POC1B: variants seen among roughly 807,000 people sequenced by gnomAD.
POC1B encodes POC1 centriolar protein homolog B.
Under a neutral mutation model 60.6 loss-of-function variants are expected in POC1B, and 44 were observed. The observed-to-expected ratio is 0.73, with a 90% CI of 0.57 to 0.93. The LOEUF (loss-of-function observed/expected upper bound fraction) is 0.93. Among genes scored for constraint, POC1B ranks in the 40% least tolerant of loss-of-function variants. The pLI is 0.00. For missense variants in POC1B, 555 were observed against 572.3 expected (o/e 0.97, Z 0.31); for synonymous variants, 180 against 198.9 (o/e 0.90, Z 0.80).
chr12:89,502,253 G>T, intron 2 of POC1B: 1 of 1,448,282 alleles, frequency 6.9e-7, no homozygotes, highest in Non-Finnish European at 9.6e-7. Context: ...GACTCAAAAC[G>T]AACTAAAGTG....
At chr12:89,421,390 A>G in intron 11 of POC1B, 133 bp from the exon 12 acceptor site, 1 of 669,924 alleles carries the variant, frequency 1.5e-6, no homozygotes. Context: ...CTCAAAAATG[A>G]GCCCCAGAAC....
chr12:89,490,943 A>G (rs971239250), intron 4 of POC1B, among the ~76,000 whole-genome samples: 4 of 151,714 alleles, frequency 2.6e-5, no homozygotes, highest in African/African-American at 7.3e-5. Flanking sequence ...TCAGCCTCCT[A>G]ACAAGGTCTC....
intron 10 of POC1B, among the ~76,000 whole-genome samples, chr12:89,432,108 G>A (rs1881055985): frequency 6.6e-6 from 1 of 152,124 alleles, no homozygotes; most frequent in South Asian, 2.1e-4. Context: ...ACTTGGCCGG[G>A]CATGGTGGCT....
At chr12:89,440,914 C>A (rs546489369) in intron 10 of POC1B, among the ~76,000 whole-genome samples, 1 of 152,218 alleles carries the variant, frequency 6.6e-6, no homozygotes, top group Admixed American at 6.5e-5. Context: ...ACACTCCCAC[C>A]CTAATACTGC....
chr12:89,402,963 G>A, the POC1B span, among the ~76,000 whole-genome samples: 2 of 150,832 alleles, frequency 1.3e-5, no homozygotes, highest in Non-Finnish European at 2.9e-5. Flanking sequence ...GCCTCGCACA[G>A]TGCTGGGATT....
At chr12:89,490,718 C>T (rs922371809) in intron 4 of POC1B, among the ~76,000 whole-genome samples, 1 of 152,154 alleles carries the variant, frequency 6.6e-6, no homozygotes, top group East Asian at 1.9e-4. Context: ...AATAGGAAGA[C>T]TCCACAGCTG....
rs893831806 is a variant in POC1B at position 89,497,343 on chromosome 12, C to T, written c.101-1G>A. 3 of 1,609,750 alleles carry T rather than the reference C, an allele frequency of 1.9e-6. No individual in the cohort carries two copies. In the African/African-American group the frequency reaches 4.0e-5, roughly 22 times the overall value. On this transcript the variant is annotated splice_acceptor_variant, in intron 2 of 11. Transcript: ENST00000313546. LOFTEE classifies it high-confidence loss of function. ...AGAAAGGTATCCCAAGAAGCAGTAG[C>T]TATCAAGAAATAGAAGAACAAAACC...
At position 89,500,775 on chromosome 12, in the gene POC1B, T is replaced by A. The variant is rs987589519; in HGVS notation, c.101-3433A>T. The A allele has an allele frequency of 4.8e-6, 5 of 1,033,962 alleles. No homozygotes were observed. In the Admixed American group the frequency reaches 9.1e-5, roughly 19 times the overall value. 64.0% of individuals were successfully genotyped at this position (1,033,962 alleles called of 1,614,324 possible). A position where few individuals can be genotyped will look rare whatever the true frequency, so the allele number is the denominator to read the frequency against. On this transcript the variant is annotated intron_variant, in intron 2 of 11. Transcript: ENST00000313546. ...ATAGATAGAAATAGATAATAAAGTA[T>A]CAGATAAAGAGGATAAAACATCAGA...
At chr12:89,457,231 T>C (rs1002077372) in intron 10 of POC1B, among the ~76,000 whole-genome samples, 5 of 152,208 alleles carry the variant, frequency 3.3e-5, no homozygotes, top group African/African-American at 4.8e-5. Context: ...TATGTCTGAT[T>C]TGTTGTGCAG....
At chr12:89,441,945 C>A (rs1052561402) in intron 10 of POC1B, among the ~76,000 whole-genome samples, 6 of 152,110 alleles carry the variant, frequency 3.9e-5, no homozygotes, top group African/African-American at 1.4e-4. Context: ...AACCACGGCA[C>A]GAGAACCATG....
At chr12:89,516,407 G>A (rs1443919060) in intron 2 of POC1B, among the ~76,000 whole-genome samples, 3 of 152,008 alleles carry the variant, frequency 2.0e-5, no homozygotes, top group Non-Finnish European at 2.9e-5. Context: ...TTTCCATCTT[G>A]CCCAGACCAT....
At chr12:89,410,871 C>G in the POC1B span, among the ~76,000 whole-genome samples, 13 of 152,058 alleles carry the variant, frequency 8.5e-5, no homozygotes, top group Admixed American at 5.9e-4. Context: ...TTAGAAAACC[C>G]CACTGTCTCA....
chr12:89,510,389 C>T (rs1870120157), intron 2 of POC1B, among the ~76,000 whole-genome samples: 2 of 152,178 alleles, frequency 1.3e-5, no homozygotes, highest in Admixed American at 1.3e-4. Context: ...ACCTAGACAT[C>T]CAGCCCTGCA....
chr12:89,525,841 C>T, intron 1 of POC1B, 40 bp downstream of exon 1: 1 of 1,412,776 alleles, frequency 7.1e-7, no homozygotes, highest in Non-Finnish European at 9.3e-7. Flanking sequence ...GCGGGACAGG[C>T]TCCAGGGAGG....
chr12:89,433,912 C>T (rs1352463375), intron 10 of POC1B, among the ~76,000 whole-genome samples: 1 of 152,184 alleles, frequency 6.6e-6, no homozygotes, highest in African/African-American at 2.4e-5. Flanking sequence ...TGCAGACTCA[C>T]CCAGATGGGG....
chr12:89,489,000 C>A (rs1277310006), intron 4 of POC1B, among the ~76,000 whole-genome samples: 3 of 152,120 alleles, frequency 2.0e-5, no homozygotes, highest in African/African-American at 7.2e-5. Context: ...CTCTCTGCCT[C>A]CTCTTCTTAT....
At chr12:89,424,526 C>G (rs985448929) in intron 11 of POC1B, among the ~76,000 whole-genome samples, 1 of 152,120 alleles carries the variant, frequency 6.6e-6, no homozygotes, top group Non-Finnish European at 1.5e-5. Flanking sequence ...TATTCTCATT[C>G]TACACATCAA....
intron 2 of POC1B, 49 bp from the exon 3 acceptor site, chr12:89,497,391 T>C (rs201255266): frequency 1.7e-4 from 258 of 1,533,674 alleles, no homozygotes; most frequent in Middle Eastern, 7.1e-4. Flanking sequence ...AATGCAAACA[T>C]AGGTGTGTCT....
chr12:89,404,976 T>C, the POC1B span, among the ~76,000 whole-genome samples: 4 of 152,194 alleles, frequency 2.6e-5, no homozygotes, highest in African/African-American at 7.2e-5. Flanking sequence ...ACCAATGAAG[T>C]AGATCAGTGG....
Sources: gnomAD v4.1 joint callset for allele counts (sites outside exome capture counted in the v4.1 genomes callset) on GRCh38, gnomAD v4.1.1 for gene constraint, MANE v1.5 for transcripts, NCBI Gene and HGNC (gene_info 2026-07-23, HGNC 2026-07-21) for gene names.